The following CSMD1 variants were observed in gnomAD, a reference collection of about 807,000 sequenced individuals.
The protein encoded by CSMD1 is CUB and Sushi multiple domains 1.
CSMD1 carries 213 observed loss-of-function variants against 417.5 expected under a neutral mutation model. The observed-to-expected ratio is 0.51, with a 90% CI of 0.46 to 0.57. CSMD1 has a LOEUF of 0.57. Ranked by LOEUF, CSMD1 falls within the 20% of genes least tolerant of loss-of-function variation. CSMD1 has a pLI of 0.00. For synonymous variants in CSMD1, 2,862 were observed against 1,736.8 expected (o/e 1.65, Z -16.11); for missense variants, 6,923 against 4,529.7 (o/e 1.53, Z -15.17).
intron 1 of CSMD1, among the ~76,000 whole-genome samples, chr8:4,987,773 G>T (rs910679471): frequency 2.0e-5 from 3 of 152,174 alleles, no homozygotes; most frequent in African/African-American, 7.2e-5. Context: ...CTCATCAACT[G>T]TCATCTTGGC....
At chr8:4,282,238 C>A (rs1396400660) in intron 3 of CSMD1, among the ~76,000 whole-genome samples, 2 of 152,166 alleles carry the variant, frequency 1.3e-5, no homozygotes, top group African/African-American at 2.4e-5. Context: ...CTTACAACTG[C>A]ATGCAAAGGT....
At chr8:4,804,476 A>C (rs1449085258) in intron 1 of CSMD1, among the ~76,000 whole-genome samples, 2 of 145,478 alleles carry the variant, frequency 1.4e-5, no homozygotes. Flanking sequence ...TTTTTTATTT[A>C]AAAAGGGATT....
Position 2,957,826 on chromosome 8 carries a change from A to G in CSMD1, c.9703-19T>C, listed in dbSNP as rs765644499. On this transcript the variant is annotated intron_variant, in intron 62 of 69. Coordinates refer to ENST00000635120, the MANE Select transcript of CSMD1 (RefSeq NM_033225.6). The stretch of plus-strand genomic sequence containing the variant: ...TTCCAACCTAGAGAGGAAATCCAAT[A>G]CTAGCTTCAGAGGCCAAGGGAATAT... 6.6e-7 allele frequency: 1 copy of G among 1,510,274 alleles called. No individual in the cohort carries two copies. The highest frequency in any genetic ancestry group is 1.2e-5 in the South Asian group (1 of 83,998). 93.6% of individuals were successfully genotyped at this position (1,510,274 alleles called of 1,614,324 possible).
At chr8:3,429,733 C>T (rs1274210907) in intron 12 of CSMD1, among the ~76,000 whole-genome samples, 4 of 152,184 alleles carry the variant, frequency 2.6e-5, no homozygotes, top group Admixed American at 6.5e-5. Flanking sequence ...GGTTTTTCAG[C>T]GTAAAATTTT....
intron 26 of CSMD1, among the ~76,000 whole-genome samples, chr8:3,274,463 G>A (rs1393869557): frequency 6.6e-6 from 1 of 152,146 alleles, no homozygotes; most frequent in African/African-American, 2.4e-5. Context: ...GCAGAGCTGA[G>A]TTAAGTTCCT....
intron 1 of CSMD1, among the ~76,000 whole-genome samples, chr8:4,980,940 C>T (rs938453924): frequency 6.6e-6 from 1 of 152,004 alleles, no homozygotes; most frequent in Non-Finnish European, 1.5e-5. Context: ...GTACTTTGCC[C>T]AGCAACATGG....
At chr8:4,544,473 A>G (rs577892616) in intron 2 of CSMD1, among the ~76,000 whole-genome samples, 38 of 152,168 alleles carry the variant, frequency 2.5e-4, no homozygotes, top group Non-Finnish European at 4.9e-4. Context: ...AACGTTACAT[A>G]AAAATTGACT....
intron 18 of CSMD1, 58 bp downstream of exon 18, chr8:3,387,436 A>C: frequency 3.5e-6 from 5 of 1,408,538 alleles, no homozygotes; most frequent in Non-Finnish European, 4.9e-6. Flanking sequence ...AGCTAGTTAG[A>C]CGTGTGCGCT....
intron 3 of CSMD1, among the ~76,000 whole-genome samples, chr8:4,251,093 C>T (rs756565875): frequency 5.3e-5 from 8 of 152,120 alleles, no homozygotes; most frequent in Non-Finnish European, 8.8e-5. Flanking sequence ...CACATTTTCC[C>T]TGCCAAATTT....
At chr8:3,978,622 C>T (rs1361762840) in intron 5 of CSMD1, among the ~76,000 whole-genome samples, 4 of 152,066 alleles carry the variant, frequency 2.6e-5, no homozygotes, top group Non-Finnish European at 5.9e-5. Flanking sequence ...TGGAAGGAAA[C>T]GTCTCGTCGC....
At chr8:4,336,270 G>C (rs13278892) in intron 3 of CSMD1, among the ~76,000 whole-genome samples, 1 of 152,126 alleles carries the variant, frequency 6.6e-6, no homozygotes, top group Non-Finnish European at 1.5e-5. Context: ...AAAATAGACA[G>C]TATTTTATGT....
intron 1 of CSMD1, among the ~76,000 whole-genome samples, chr8:4,958,187 A>G (rs190573644): frequency 2.5e-4 from 38 of 152,316 alleles, no homozygotes; most frequent in African/African-American, 8.9e-4. Context: ...TGTGTTTAAC[A>G]TACTCTGTTT....
At chr8:4,327,071 A>T (rs1010556916) in intron 3 of CSMD1, among the ~76,000 whole-genome samples, 12 of 152,172 alleles carry the variant, frequency 7.9e-5, no homozygotes, top group African/African-American at 2.7e-4. Context: ...TTCAAATAAG[A>T]GATGAGGTTG....
At chr8:4,334,135 G>C (rs555395396) in intron 3 of CSMD1, among the ~76,000 whole-genome samples, 1 of 152,042 alleles carries the variant, frequency 6.6e-6, no homozygotes, top group African/African-American at 2.4e-5. Flanking sequence ...TCAAACTCCC[G>C]AACTCAAGAT....
intron 51 of CSMD1, among the ~76,000 whole-genome samples, chr8:3,024,851 C>G (rs570511868): frequency 4.0e-5 from 6 of 151,712 alleles, no homozygotes; most frequent in Non-Finnish European, 8.8e-5. Flanking sequence ...CACTAGTACT[C>G]ATGAAAATCC....
chr8:3,110,226 T>C lies in CSMD1; in HGVS notation c.6540A>G (p.Pro2180=), dbSNP rs376540489. ...TGAAGTTGATGTAAACTCCGTGCCC[T>C]GGAGGCACCGTGATGAGCCAAATGC... ...KDCIWLITVP[P]GHGVYINFTL... Residue 2180 remains proline, a synonymous_variant, in exon 43 of 70, where the codon CCA becomes CCG. Transcript: ENST00000635120. 6.2e-7 allele frequency: 1 copy of C among 1,613,040 alleles called. No homozygotes were observed. Among genetic ancestry groups the C allele is most frequent in the African/African-American group, 1.3e-5 (1 of 74,918 alleles).
intron 7 of CSMD1, among the ~76,000 whole-genome samples, chr8:3,688,860 TAGAG>T: frequency 6.6e-6 from 1 of 152,162 alleles, no homozygotes; most frequent in African/African-American, 2.4e-5. Context: ...TTAAAAAGAA[TAGAG>T]AGATCAGAAA....
chr8:4,939,194 A>G (rs915001735), intron 1 of CSMD1, among the ~76,000 whole-genome samples: 2 of 152,164 alleles, frequency 1.3e-5, no homozygotes, highest in Non-Finnish European at 2.9e-5. Flanking sequence ...ATCCACGTAC[A>G]CTGTTGGTGG....
chr8:3,106,477 A>G, intron 46 of CSMD1, 51 bp downstream of exon 46: 2 of 1,125,818 alleles, frequency 1.8e-6, no homozygotes, highest in South Asian at 1.4e-5. Context: ...AAACAATACA[A>G]TTTTCCATGT....
Sources: gnomAD v4.1 joint callset for allele counts (sites outside exome capture counted in the v4.1 genomes callset) on GRCh38, gnomAD v4.1.1 for gene constraint, MANE v1.5 for transcripts, NCBI Gene and HGNC (gene_info 2026-07-23, HGNC 2026-07-21) for gene names.